The following TAFA1 variants were observed in gnomAD, a reference collection of about 807,000 sequenced individuals.
The protein encoded by TAFA1 is chemokine-like protein TAFA-1.
TAFA1 carries 4 observed loss-of-function variants against 18.5 expected under a neutral mutation model. That is an observed-to-expected ratio of 0.22 (90% CI 0.11 to 0.49). The LOEUF (loss-of-function observed/expected upper bound fraction) is 0.49. Ranked by LOEUF, TAFA1 falls within the 20% of genes least tolerant of loss-of-function variation. The probability of loss-of-function intolerance (pLI) is 0.98; values close to 1 mark genes in which losing one functional copy is unlikely to be tolerated. For synonymous variants in TAFA1, 56 were observed against 55.2 expected, an observed-to-expected ratio of 1.01 and a Z score of -0.06; for missense variants, 147 against 169.0, an observed-to-expected ratio of 0.87 and a Z score of 0.72.
chr3:68,053,748 G>C (rs1354515229), intron 2 of TAFA1, among the ~76,000 whole-genome samples: 5 of 152,076 alleles, frequency 3.3e-5, no homozygotes, highest in Non-Finnish European at 1.5e-5. Flanking sequence ...CTGTCACCTA[G>C]GCTGAAGTGT....
intron 2 of TAFA1, among the ~76,000 whole-genome samples, chr3:68,128,024 G>A (rs138104567): frequency 3.4e-4 from 51 of 150,510 alleles, no homozygotes; most frequent in Middle Eastern, 6.8e-3. Context: ...GTTTATTATG[G>A]TTCGGAAGCT....
At chr3:68,174,737 G>C (rs558509789) in intron 2 of TAFA1, among the ~76,000 whole-genome samples, 3 of 152,190 alleles carry the variant, frequency 2.0e-5, no homozygotes, top group Non-Finnish European at 4.4e-5. Flanking sequence ...CTAACAATGC[G>C]ATAGAAAAGA....
chr3:68,365,813 T>C (rs2069557103), intron 2 of TAFA1, among the ~76,000 whole-genome samples: 1 of 151,986 alleles, frequency 6.6e-6, no homozygotes, highest in Non-Finnish European at 1.5e-5. Flanking sequence ...ATCAGCCAGG[T>C]GTGGTGGCTC....
rs886834365 is a variant in TAFA1, at chr3:68,227,030, A to G, written c.119-190250A>G. Reference sequence around the variant, plus strand: ...ATTTGGCCTCTGTCCTCTAGAGAACATTTACTATTATAAGGGAGCCCAGAT... The same window carrying G: ...ATTTGGCCTCTGTCCTCTAGAGAACGTTTACTATTATAAGGGAGCCCAGAT... On this transcript the variant is annotated intron_variant, in intron 2 of 4. Coordinates refer to ENST00000478136, the MANE Select transcript of TAFA1 (RefSeq NM_213609.4). Among the ~76,000 whole-genome samples, 6 of 152,292 alleles carry G rather than the reference A, an allele frequency of 3.9e-5. No homozygotes were observed. In the South Asian group the frequency reaches 1.2e-3, roughly 32 times the overall value.
chr3:68,321,745 T>A (rs1296125894), intron 2 of TAFA1, among the ~76,000 whole-genome samples: 1 of 152,140 alleles, frequency 6.6e-6, no homozygotes, highest in African/African-American at 2.4e-5. Context: ...TTTCTAAGTT[T>A]TATTAGCTCT....
At chr3:68,269,890 C>G (rs558774838) in intron 2 of TAFA1, among the ~76,000 whole-genome samples, 3 of 152,234 alleles carry the variant, frequency 2.0e-5, no homozygotes, top group Non-Finnish European at 2.9e-5. Flanking sequence ...CTTTATATGA[C>G]TCTATGCATG....
chr3:68,234,692 A>C (rs1481306533), intron 2 of TAFA1, among the ~76,000 whole-genome samples: 1 of 151,840 alleles, frequency 6.6e-6, no homozygotes, highest in Non-Finnish European at 1.5e-5. Context: ...CCACATTTTC[A>C]CTCATTGGTT....
At chr3:68,005,016 T>G (rs1704333336) in intron 1 of TAFA1, among the ~76,000 whole-genome samples, 1 of 152,130 alleles carries the variant, frequency 6.6e-6, no homozygotes, top group Non-Finnish European at 1.5e-5. Context: ...ACTATTAAGT[T>G]TTGGTTGTGG....
chr3:68,527,568 C>T (rs188651457), intron 3 of TAFA1, among the ~76,000 whole-genome samples: 138 of 152,166 alleles, frequency 9.1e-4, no homozygotes, highest in African/African-American at 3.1e-3. Context: ...TTCTTATGGT[C>T]ACACTCTGAG....
intron 4 of TAFA1, among the ~76,000 whole-genome samples, chr3:68,539,688 T>TGGGGGG (rs1184533157): frequency 8.0e-5 from 1 of 12,436 alleles, no homozygotes; most frequent in Non-Finnish European, 1.4e-4. Context: ...TGGGGGGGCA[T>TGGGGGG]GGGGTGGGTG....
intron 2 of TAFA1, among the ~76,000 whole-genome samples, chr3:68,207,601 T>C (rs1006972857): frequency 2.0e-5 from 3 of 152,086 alleles, no homozygotes; most frequent in East Asian, 1.9e-4. Flanking sequence ...CACAGGATTC[T>C]GATGCATACT....
chr3:68,510,008 G>A (rs1202585057), intron 3 of TAFA1, among the ~76,000 whole-genome samples: 1 of 151,942 alleles, frequency 6.6e-6, no homozygotes, highest in East Asian at 1.9e-4. Context: ...CATTGTCTCG[G>A]GATAAAGTTC....
At chr3:68,211,544 A>G (rs1280011151) in intron 2 of TAFA1, among the ~76,000 whole-genome samples, 3 of 152,184 alleles carry the variant, frequency 2.0e-5, no homozygotes, top group East Asian at 1.9e-4. Context: ...CTCATGAAGC[A>G]TATAGTCTAG....
At position 68,065,776 on chromosome 3, in the gene TAFA1, T is replaced by C. The variant is rs536579330; in HGVS notation, c.118+59032T>C. 7.1e-4 allele frequency among the ~76,000 whole-genome samples: 99 copies of C among 139,246 alleles called. 1 individual carries two copies. The highest frequency in any genetic ancestry group is 4.5e-4 in the Non-Finnish European group (29 of 64,968). 91.4% of individuals were successfully genotyped at this position (139,246 alleles called of 152,430 possible). A position where few individuals can be genotyped will look rare whatever the true frequency, so the allele number is the denominator to read the frequency against. On this transcript the variant is annotated intron_variant, in intron 2 of 4. Coordinates refer to ENST00000478136, the MANE Select transcript of TAFA1 (RefSeq NM_213609.4). Reference sequence around the variant, plus strand: ...TATATATATATATATACACACACATTACCTATGCCTCTGTCTATTGATCAA... The same window carrying C: ...TATATATATATATATACACACACATCACCTATGCCTCTGTCTATTGATCAA...
chr3:68,457,135 A>G (rs184270657), intron 3 of TAFA1, among the ~76,000 whole-genome samples: 4 of 152,318 alleles, frequency 2.6e-5, no homozygotes, highest in Admixed American at 1.3e-4. Flanking sequence ...ACTCACTGCA[A>G]TAGCAACTGT....
At chr3:68,224,091 C>G (rs1036167404) in intron 2 of TAFA1, among the ~76,000 whole-genome samples, 7 of 151,652 alleles carry the variant, frequency 4.6e-5, no homozygotes, top group African/African-American at 1.7e-4. Flanking sequence ...TTCTTCCTCC[C>G]TGAATGATGT....
At chr3:68,373,241 C>T (rs753979619) in intron 2 of TAFA1, among the ~76,000 whole-genome samples, 1 of 152,140 alleles carries the variant, frequency 6.6e-6, no homozygotes, top group Non-Finnish European at 1.5e-5. Context: ...ATATAAGGAA[C>T]ACCTACTAAG....
At chr3:68,348,883 C>G (rs1241720484) in intron 2 of TAFA1, among the ~76,000 whole-genome samples, 1 of 151,886 alleles carries the variant, frequency 6.6e-6, no homozygotes, top group Non-Finnish European at 1.5e-5. Flanking sequence ...ATCAAGGATT[C>G]ATATTAAAGA....
intron 3 of TAFA1, among the ~76,000 whole-genome samples, chr3:68,460,179 G>A (rs2071748220): frequency 6.6e-6 from 1 of 152,164 alleles, no homozygotes; most frequent in South Asian, 2.1e-4. Flanking sequence ...GGCTATAGGT[G>A]GCATTAGTGA....
Sources: gnomAD v4.1 joint callset for allele counts (sites outside exome capture counted in the v4.1 genomes callset) on GRCh38, gnomAD v4.1.1 for gene constraint, MANE v1.5 for transcripts, NCBI Gene and HGNC (gene_info 2026-07-23, HGNC 2026-07-21) for gene names.